The following GSTM2 variants were observed in gnomAD, a reference collection of about 807,000 sequenced individuals.
GSTM2 encodes the protein glutathione S-transferase mu 2, also known as GST class-mu 2.
Under a neutral mutation model 33.3 loss-of-function variants are expected in GSTM2, and 33 were observed. The ratio of observed to expected loss-of-function variants is 0.99; its 90% confidence interval spans 0.75 to 1.33. The LOEUF is 1.33. GSTM2 is among the 40% of genes most tolerant of loss of function. The pLI, the probability that GSTM2 is intolerant of heterozygous loss-of-function variation, is 0.00. For synonymous variants in GSTM2, 93 were observed against 95.6 expected, an observed-to-expected ratio of 0.97 and a Z score of 0.16; for missense variants, 213 against 265.8, an observed-to-expected ratio of 0.80 and a Z score of 1.38.
chr1:109,669,396 C>CG, intron 4 of GSTM2, 25 bp downstream of exon 4: 1 of 1,613,924 alleles, frequency 6.2e-7, no homozygotes, highest in Non-Finnish European at 8.5e-7. Context: ...TTGCAAGATG[C>CG]GGGGAGGGAC....
intron 7 of GSTM2, chr1:109,673,070 A>C: frequency 3.0e-6 from 3 of 999,358 alleles, no homozygotes; most frequent in Non-Finnish European, 4.5e-6. Flanking sequence ...GGGTTTTGCT[A>C]TGTTGGCCAG....
At chr1:109,671,787 CA>C (rs1431071071) in intron 7 of GSTM2, among the ~76,000 whole-genome samples, 1 of 151,814 alleles carries the variant, frequency 6.6e-6, no homozygotes, top group Non-Finnish European at 1.5e-5. Context: ...CCCAACATGG[CA>C]AAACCCCATC....
chr1:109,673,347 G>T, intron 7 of GSTM2: 1 of 1,438,852 alleles, frequency 6.9e-7, no homozygotes, highest in Non-Finnish European at 9.5e-7. Context: ...GAGGCCTGCA[G>T]GCAGAGCAGC....
chr1:109,669,256 C>T, intron 3 of GSTM2, 34 bp from the exon 4 acceptor site: 3 of 1,613,024 alleles, frequency 1.9e-6, no homozygotes. Context: ...GCCTGGTGGC[C>T]CAACTGAGCT....
At chr1:109,674,300 G>T (rs1265910619) in intron 7 of GSTM2, among the ~76,000 whole-genome samples, 1 of 151,980 alleles carries the variant, frequency 6.6e-6, no homozygotes, top group East Asian at 1.9e-4. Context: ...AAGAAGAAGA[G>T]AATTTGGCAG....
chr1:109,671,777 C>T (rs1647552438), intron 7 of GSTM2, among the ~76,000 whole-genome samples, 194 bp downstream of exon 7: 1 of 151,880 alleles, frequency 6.6e-6, no homozygotes, highest in African/African-American at 2.4e-5. Flanking sequence ...TACCTGCCTG[C>T]CCAACATGGC....
chr1:109,668,694 A>G, intron 2 of GSTM2, 194 bp downstream of exon 2: 2 of 804,488 alleles, frequency 2.5e-6, no homozygotes, highest in Non-Finnish European at 4.1e-6. Context: ...CGTCTGGGTA[A>G]TTATGATGGG....
chr1:109,678,528 G>C (rs1247249337), downstream of GSTM2, among the ~76,000 whole-genome samples: 2 of 149,226 alleles, frequency 1.3e-5, no homozygotes, highest in African/African-American at 2.5e-5. Flanking sequence ...GGCAGATCAC[G>C]AGGTCAGGAG....
In GSTM2 at chr1:109,668,417, T is replaced by C; in HGVS notation, c.37-8T>C. On this transcript the variant is annotated splice_region_variant and splice_polypyrimidine_tract_variant and intron_variant, in intron 1 of 7. Coordinates refer to ENST00000241337, the MANE Select transcript of GSTM2 (RefSeq NM_000848.4). ...TCTCTGACCCGAGCTGTGGGCCATCTCTCCCAGCTGGCCCATTCCATCCGC... is the reference window on the plus strand; with the variant it reads ...TCTCTGACCCGAGCTGTGGGCCATCCCTCCCAGCTGGCCCATTCCATCCGC... The C allele has an allele frequency of 3.1e-6, 5 of 1,613,762 alleles. No individual in the cohort carries two copies. The highest frequency in any genetic ancestry group is 4.2e-6 in the Non-Finnish European group (5 of 1,179,786).
chr1:109,674,723 T>C, intron 7 of GSTM2, 24 bp from the exon 8 acceptor site: 1 of 1,614,144 alleles, frequency 6.2e-7, no homozygotes, highest in Non-Finnish European at 8.5e-7. Context: ...CCTTGAGTTC[T>C]GGCCTTATTT....
chr1:109,673,446 C>T, intron 7 of GSTM2: 1 of 623,930 alleles, frequency 1.6e-6, no homozygotes, highest in Non-Finnish European at 2.7e-6. Flanking sequence ...CAACAGGCTT[C>T]TGAGCCTTGA....
At position 109,672,234 on chromosome 1, in the gene GSTM2, C is replaced by T. The variant is rs536916781; in HGVS notation, c.567+651C>T. Among the ~76,000 whole-genome samples, 7 of 152,012 alleles carry T rather than the reference C, an allele frequency of 4.6e-5. No individual in the cohort carries two copies. The East Asian group carries it at 1.2e-3, about 25-fold the overall frequency. On this transcript the variant is annotated intron_variant, in intron 7 of 7. Transcript: ENST00000241337. ...GGCGGAGGTTGCGGTGAGCCAAGAT[C>T]GTGCCATTGCACCCCAGCCTGGGCA... is the stretch of plus-strand genomic sequence containing the variant.
rs1482650655 is a variant in GSTM2 at position 109,668,496 on chromosome 1, G to A, written c.108G>A (p.Gly36=). ...SSYEEKKYTM[G]DAPDYDRSQW... is the part of the protein sequence containing the mutation. ...ACGAGGAAAAGAAGTACACGATGGG[G>A]GACGGTAATGGCACCCTCGAGTCTG... Residue 36 remains glycine, a synonymous_variant, in exon 2 of 8, where the codon GGG becomes GGA. Transcript: ENST00000241337. The A allele has an allele frequency of 6.2e-7, 1 of 1,614,020 alleles. No individual in the cohort carries two copies. Among genetic ancestry groups the A allele is most frequent in the African/African-American group, 1.3e-5 (1 of 75,054 alleles).
At chr1:109,668,269 T>A (rs1176029127) in intron 1 of GSTM2, 118 bp downstream of exon 1, 9 of 1,358,236 alleles carry the variant, frequency 6.6e-6, no homozygotes, top group Non-Finnish European at 8.4e-6. Context: ...GACAGCGGGG[T>A]CTGTGCTTGC....
intron 7 of GSTM2, 107 bp downstream of exon 7, chr1:109,671,690 A>G (rs1647549811): frequency 2.5e-6 from 2 of 802,632 alleles, no homozygotes; most frequent in Non-Finnish European, 4.5e-6. Flanking sequence ...ATTTTTGGCC[A>G]TGTGCGGTGG....
chr1:109,678,477 T>A (rs1433386815), downstream of GSTM2, among the ~76,000 whole-genome samples: 1 of 152,170 alleles, frequency 6.6e-6, no homozygotes, highest in Non-Finnish European at 1.5e-5. Flanking sequence ...CTGGGCGCAG[T>A]GGCTCATGAG....
rs530021 is a variant in GSTM2 at position 109,668,158 on chromosome 1, C to A, written c.36+7C>A. The A allele has an allele frequency of 1.2e-6, 2 of 1,612,528 alleles. No homozygotes were observed. Among genetic ancestry groups the A allele is most frequent in the East Asian group, 4.5e-5 (2 of 44,838 alleles). On this transcript the variant is annotated splice_region_variant and intron_variant, in intron 1 of 7. Transcript: ENST00000241337. ...GTACTGGAACATCCGCGGGGTGAGC[C>A]AGGGTCCGCTGGGCGGTGGGACGGG...
intron 7 of GSTM2, 116 bp downstream of exon 7, chr1:109,671,699 G>A: frequency 1.3e-6 from 1 of 754,584 alleles, no homozygotes. Flanking sequence ...CATGTGCGGT[G>A]GCTCACGCCT....
chr1:109,671,445 C>G, intron 6 of GSTM2, 28 bp from the exon 7 acceptor site: 1 of 1,570,106 alleles, frequency 6.4e-7, no homozygotes, highest in Non-Finnish European at 8.8e-7. Flanking sequence ...ATGGAGGTTT[C>G]AGCCCACATA....
Sources: gnomAD v4.1 joint callset for allele counts (sites outside exome capture counted in the v4.1 genomes callset) on GRCh38, gnomAD v4.1.1 for gene constraint, MANE v1.5 for transcripts, NCBI Gene and HGNC (gene_info 2026-07-23, HGNC 2026-07-21) for gene names.